The following SLMAP variants were observed in gnomAD, a reference collection of about 807,000 sequenced individuals.
SLMAP encodes the protein sarcolemmal membrane-associated protein.
In SLMAP, 44 loss-of-function variants were observed where a neutral mutation model predicts 128.8. That is an observed-to-expected ratio of 0.34 (90% CI 0.27 to 0.44). SLMAP has a LOEUF of 0.44. Ranked by LOEUF, SLMAP falls within the 20% of genes least tolerant of loss-of-function variation. The pLI, the probability that SLMAP is intolerant of heterozygous loss-of-function variation, is 1.00. For missense variants in SLMAP, 787 were observed against 985.3 expected (o/e 0.80, Z 2.69); for synonymous variants, 327 against 348.8 (o/e 0.94, Z 0.70).
intron 14 of SLMAP, among the ~76,000 whole-genome samples, chr3:57,878,528 C>T (rs1278844023): frequency 6.6e-6 from 1 of 152,172 alleles, no homozygotes; most frequent in Non-Finnish European, 1.5e-5. Context: ...GATGCACTCT[C>T]TCACTGGCAG....
chr3:57,768,995 A>G (rs943393350), intron 2 of SLMAP, among the ~76,000 whole-genome samples: 1 of 152,090 alleles, frequency 6.6e-6, no homozygotes. Context: ...ATCTCTCTAT[A>G]TAAATGTACA....
intron 10 of SLMAP, 117 bp downstream of exon 10, chr3:57,862,203 A>C (rs1189012888): frequency 5.3e-6 from 4 of 756,002 alleles, no homozygotes; most frequent in Non-Finnish European, 6.5e-6. Flanking sequence ...CTGTAATCCC[A>C]GCTTCTCAGG....
chr3:57,866,070 G>T (rs1288797594), intron 13 of SLMAP, among the ~76,000 whole-genome samples: 1 of 152,138 alleles, frequency 6.6e-6, no homozygotes, highest in East Asian at 1.9e-4. Context: ...TTCTACAGAA[G>T]TTAGTCGAAG....
chr3:57,870,287 C>T (rs1426636911), intron 13 of SLMAP, among the ~76,000 whole-genome samples: 1 of 152,020 alleles, frequency 6.6e-6, no homozygotes, highest in Non-Finnish European at 1.5e-5. Context: ...CTGGCAATTA[C>T]TATTATACTG....
At chr3:57,776,529 T>C (rs1199442792) in intron 2 of SLMAP, among the ~76,000 whole-genome samples, 1 of 147,484 alleles carries the variant, frequency 6.8e-6, no homozygotes, top group Non-Finnish European at 1.5e-5. Flanking sequence ...TCTCTTTTTT[T>C]TTTTTTTTTT....
intron 9 of SLMAP, among the ~76,000 whole-genome samples, chr3:57,861,234 A>T (rs906966838): frequency 2.0e-5 from 3 of 152,116 alleles, no homozygotes; most frequent in Non-Finnish European, 4.4e-5. Flanking sequence ...CACTCTGCAG[A>T]GAGGAAAACT....
In SLMAP at chr3:57,890,070, A is replaced by G; in HGVS notation, c.1330A>G (p.Lys444Glu). Residue 444 changes from lysine (K) to glutamate (E), a missense_variant, in exon 15 of 25, where the codon AAA becomes GAA. This residue lies in a region of SLMAP where 715 missense variants were observed against 843.6 expected (regional missense o/e 0.85). Coordinates refer to ENST00000671191, the MANE Select transcript of SLMAP (RefSeq NM_001377540.1). ...KKLIVEGHLTKAVEETKLSKE... is the reference protein window; with the variant it reads ...KKLIVEGHLTEAVEETKLSKE... Reference sequence around the variant, plus strand: ...GCTGATCGTCGAAGGGCATCTAACCAAAGCGGTAGAAGAAACAAAGCTTTC... The same window carrying G: ...GCTGATCGTCGAAGGGCATCTAACCGAAGCGGTAGAAGAAACAAAGCTTTC... The G allele has an allele frequency of 6.2e-7, 1 of 1,613,986 alleles. No homozygotes were observed. The highest frequency in any genetic ancestry group is 1.1e-5 in the South Asian group (1 of 91,072).
intron 13 of SLMAP, among the ~76,000 whole-genome samples, chr3:57,866,603 G>A (rs1374027948): frequency 6.6e-6 from 1 of 152,122 alleles, no homozygotes; most frequent in African/African-American, 2.4e-5. Flanking sequence ...CCAATTTGAT[G>A]GAATTTAAAT....
chr3:57,814,820 C>G (rs1480865981), intron 2 of SLMAP, among the ~76,000 whole-genome samples: 1 of 151,896 alleles, frequency 6.6e-6, no homozygotes, highest in Non-Finnish European at 1.5e-5. Context: ...AAAAACAAAA[C>G]AAAACAAAAC....
Position 57,916,974 on chromosome 3 carries a change from A to T in SLMAP, c.2207A>T (p.Glu736Val). Residue 736 changes from glutamate to valine, a missense_variant, in exon 22 of 25, where the codon GAG becomes GTG. This residue lies in a region of SLMAP where 715 missense variants were observed against 843.6 expected (regional missense o/e 0.85). Transcript: ENST00000671191. Reference protein sequence around the residue: ...SILQMSRKELENQVGSLKEQH... With the variant: ...SILQMSRKELVNQVGSLKEQH... ...CTTCAAATGTCTAGGAAAGAACTTG[A>T]GAATCAAGTGGGATCCTTGAAAGAA... 6.2e-7 allele frequency: 1 copy of T among 1,613,964 alleles called. No individual in the cohort carries two copies.
In SLMAP at chr3:57,896,150, C is replaced by T. The variant is rs546121522; in HGVS notation, c.1361-361C>T. 1.2e-4 allele frequency: 92 copies of T among 761,272 alleles called. 3 individuals are homozygous for T. In the African/African-American group the frequency reaches 1.6e-3, roughly 13 times the overall value. 47.2% of individuals were successfully genotyped at this position (761,272 alleles called of 1,614,324 possible). A position where few individuals can be genotyped will look rare whatever the true frequency, so the allele number is the denominator to read the frequency against. Reference sequence around the variant, plus strand: ...ATGTAACAGAGCCTTCTCCTTTAATCATCTTTATACAGTGTCTGCATTGTC... The same window carrying T: ...ATGTAACAGAGCCTTCTCCTTTAATTATCTTTATACAGTGTCTGCATTGTC... On this transcript the variant is annotated intron_variant, in intron 15 of 24. Coordinates refer to ENST00000671191, the MANE Select transcript of SLMAP (RefSeq NM_001377540.1).
chr3:57,824,297 C>T (rs1427513514), intron 2 of SLMAP, among the ~76,000 whole-genome samples: 1 of 151,970 alleles, frequency 6.6e-6, no homozygotes, highest in Non-Finnish European at 1.5e-5. Flanking sequence ...TCAAGCTTAC[C>T]AACATATGCA....
At chr3:57,899,502 T>C (rs1458478898) in intron 17 of SLMAP, 5 of 152,242 alleles carry the variant, frequency 3.3e-5, no homozygotes, top group Non-Finnish European at 5.9e-5. Context: ...GTAGTATCTT[T>C]ATAAATACCT....
chr3:57,856,300 C>T (rs1003627202), intron 6 of SLMAP, among the ~76,000 whole-genome samples: 1 of 152,146 alleles, frequency 6.6e-6, no homozygotes, highest in Non-Finnish European at 1.5e-5. Flanking sequence ...ACTTTATAAA[C>T]TTACAAGTTT....
At chr3:57,865,435 G>T in intron 13 of SLMAP, 143 bp downstream of exon 13, 3 of 431,276 alleles carry the variant, frequency 7.0e-6, no homozygotes, top group South Asian at 6.4e-5. Context: ...TAAAAATCAA[G>T]CTTTCCTTTA....
At chr3:57,826,836 A>G (rs2092960170) in intron 2 of SLMAP, among the ~76,000 whole-genome samples, 1 of 152,138 alleles carries the variant, frequency 6.6e-6, no homozygotes, top group South Asian at 2.1e-4. Flanking sequence ...TGTTGTCCTC[A>G]AGTCCCCCAA....
chr3:57,920,054 G>C (rs971833855), intron 22 of SLMAP, among the ~76,000 whole-genome samples: 7 of 152,074 alleles, frequency 4.6e-5, no homozygotes, highest in African/African-American at 1.7e-4. Flanking sequence ...AGGAAAGTAA[G>C]GGAAAACTTG....
intron 2 of SLMAP, among the ~76,000 whole-genome samples, chr3:57,780,574 G>A (rs1298727743): frequency 6.6e-6 from 1 of 151,878 alleles, no homozygotes; most frequent in East Asian, 1.9e-4. Context: ...ACAAGGGTGT[G>A]TTCATCTGGT....
intron 21 of SLMAP, 123 bp from the exon 22 acceptor site, chr3:57,916,783 A>C (rs759054457): frequency 1.4e-6 from 1 of 713,546 alleles, no homozygotes; most frequent in Non-Finnish European, 2.3e-6. Flanking sequence ...ATTCTTTTTT[A>C]TACTTTTCTT....
Sources: gnomAD v4.1 joint callset for allele counts (sites outside exome capture counted in the v4.1 genomes callset) on GRCh38, gnomAD v4.1.1 for gene constraint, gnomAD v4.1.1 regional missense constraint, MANE v1.5 for transcripts, NCBI Gene and HGNC (gene_info 2026-07-23, HGNC 2026-07-21) for gene names.